Variants in ACAP2 observed in about 807,000 individuals in gnomAD.
ACAP2 encodes the protein ArfGAP with coiled-coil, ankyrin repeat and PH domains 2, also known as arf-GAP with coiled-coil, ANK repeat and PH domain-containing protein 2.
Under a neutral mutation model 115.8 loss-of-function variants are expected in ACAP2, and 39 were observed. The observed-to-expected ratio is 0.34, with a 90% CI of 0.26 to 0.44. The LOEUF (loss-of-function observed/expected upper bound fraction) is 0.44. Among genes scored for constraint, ACAP2 ranks in the 20% least tolerant of loss-of-function variants. The pLI is 1.00. For synonymous variants in ACAP2, 289 were observed against 315.8 expected (o/e 0.92, Z 0.90); for missense variants, 662 against 927.6 (o/e 0.71, Z 3.72).
chr3:195,397,189 TAG>T (rs1174388213), intron 1 of ACAP2, among the ~76,000 whole-genome samples: 1 of 152,228 alleles, frequency 6.6e-6, no homozygotes, highest in Non-Finnish European at 1.5e-5. Context: ...AATAACCGTT[TAG>T]AGACTCAGGA....
At chr3:195,354,554 C>A (rs1296192714) in intron 4 of ACAP2, among the ~76,000 whole-genome samples, 1 of 151,978 alleles carries the variant, frequency 6.6e-6, no homozygotes. Context: ...ATTTAAGTTC[C>A]TTATAAATTC....
chr3:195,393,893 G>C (rs1189489318), intron 1 of ACAP2, among the ~76,000 whole-genome samples: 1 of 140,008 alleles, frequency 7.1e-6, no homozygotes, highest in Non-Finnish European at 1.6e-5. Flanking sequence ...TTGGGGGGGG[G>C]GGAAGCAAGC....
chr3:195,406,793 G>A (rs868516462), intron 1 of ACAP2, among the ~76,000 whole-genome samples: 15 of 152,288 alleles, frequency 9.8e-5, no homozygotes, highest in Middle Eastern at 6.8e-3. Flanking sequence ...AGTTAGTCAT[G>A]AACTTACCTT....
intron 22 of ACAP2, chr3:195,280,824 T>C (rs1726453732): frequency 6.6e-6 from 1 of 152,222 alleles, no homozygotes; most frequent in Non-Finnish European, 1.5e-5. Flanking sequence ...TACAAATGCT[T>C]GGCATAATTC....
intron 8 of ACAP2, among the ~76,000 whole-genome samples, chr3:195,327,350 T>C (rs1729862771): frequency 6.6e-6 from 1 of 152,202 alleles, no homozygotes. Context: ...TAGTGACTTC[T>C]TTCCCAAACA....
intron 1 of ACAP2, among the ~76,000 whole-genome samples, chr3:195,417,460 C>T (rs143673351): frequency 4.2e-4 from 64 of 152,246 alleles, no homozygotes; most frequent in African/African-American, 1.5e-3. Context: ...TCACAATGTC[C>T]TATTATCATT....
chr3:195,339,101 G>A (rs1730704496), intron 6 of ACAP2, among the ~76,000 whole-genome samples: 1 of 151,988 alleles, frequency 6.6e-6, no homozygotes, highest in African/African-American at 2.4e-5. Context: ...CATGGTGGTG[G>A]GCGCCTGTAA....
intron 7 of ACAP2, among the ~76,000 whole-genome samples, chr3:195,333,633 A>G (rs111508695): frequency 3.9e-5 from 6 of 152,366 alleles, no homozygotes; most frequent in African/African-American, 1.4e-4. Flanking sequence ...AAAATGCTCA[A>G]AATTTTAGTT....
chr3:195,321,163 C>T (rs530494387), intron 9 of ACAP2, among the ~76,000 whole-genome samples: 2 of 146,336 alleles, frequency 1.4e-5, no homozygotes, highest in African/African-American at 5.0e-5. Flanking sequence ...ACAAGGGAAA[C>T]AACTAAATAC....
At chr3:195,368,989 C>T (rs575337288) in intron 4 of ACAP2, among the ~76,000 whole-genome samples, 340 of 151,684 alleles carry the variant, frequency 2.2e-3, no homozygotes, top group African/African-American at 6.6e-3. Flanking sequence ...GGGGCTGAGG[C>T]GGGAGAATCA....
At chr3:195,294,490 A>C (rs1474047471) in intron 18 of ACAP2, among the ~76,000 whole-genome samples, 2 of 151,340 alleles carry the variant, frequency 1.3e-5, no homozygotes, top group Non-Finnish European at 2.9e-5. Flanking sequence ...AGGCAGGAGA[A>C]TCACTTGAAA....
Position 195,333,184 on chromosome 3 carries a change from T to TTA in ACAP2, c.574-63_574-62dup, listed in dbSNP as rs1485665806. 4.3e-4 allele frequency: 339 copies of TTA among 791,368 alleles called. 2 individuals carry two copies. The African/African-American group carries it at 4.5e-3, about 11-fold the overall frequency. The allele number at this position is 791,368 out of a possible 1,614,324, so 49.0% of individuals were successfully genotyped here. On this transcript the variant is annotated intron_variant, in intron 7 of 22. Coordinates refer to ENST00000326793, the MANE Select transcript of ACAP2 (RefSeq NM_012287.6). The stretch of plus-strand genomic sequence containing the variant: ...ATTCCTAGATAGACATTCTGAAATA[T>TTA]TACATATATATATAAAAATATATAA...
At chr3:195,428,353 C>T (rs909619971) in intron 1 of ACAP2, among the ~76,000 whole-genome samples, 1 of 150,538 alleles carries the variant, frequency 6.6e-6, no homozygotes, top group South Asian at 2.1e-4. Context: ...TATATACACA[C>T]ACACACACAC....
At chr3:195,330,642 C>A (rs1451980889) in intron 8 of ACAP2, among the ~76,000 whole-genome samples, 1 of 152,146 alleles carries the variant, frequency 6.6e-6, no homozygotes, top group Non-Finnish European at 1.5e-5. Flanking sequence ...CACTTTGACC[C>A]TTCCCTATAT....
chr3:195,433,898 T>G (rs1715330750), intron 1 of ACAP2, among the ~76,000 whole-genome samples: 1 of 152,166 alleles, frequency 6.6e-6, no homozygotes, highest in African/African-American at 2.4e-5. Flanking sequence ...AATACTGGTC[T>G]GTAGGGTTTG....
chr3:195,410,118 CAT>C (rs1477602011), intron 1 of ACAP2, among the ~76,000 whole-genome samples: 1 of 151,950 alleles, frequency 6.6e-6, no homozygotes, highest in South Asian at 2.1e-4. Flanking sequence ...AATTAACCCT[CAT>C]ATATATATTC....
intron 2 of ACAP2, 116 bp downstream of exon 2, chr3:195,391,974 G>T (rs1246005557): frequency 1.3e-5 from 10 of 780,032 alleles, no homozygotes. Flanking sequence ...CAGCCTGGGC[G>T]ACAGAGTGAG....
chr3:195,377,669 A>G (rs1027768186), intron 4 of ACAP2, among the ~76,000 whole-genome samples: 2 of 152,220 alleles, frequency 1.3e-5, no homozygotes, highest in Admixed American at 6.5e-5. Context: ...AATTTAAAGT[A>G]TTGGTTACAA....
chr3:195,395,770 T>A (rs930682114), intron 1 of ACAP2, among the ~76,000 whole-genome samples: 1 of 152,236 alleles, frequency 6.6e-6, no homozygotes, highest in Admixed American at 6.5e-5. Flanking sequence ...TTTTCTCATA[T>A]ATGAAATACA....
Sources: gnomAD v4.1 joint callset for allele counts (sites outside exome capture counted in the v4.1 genomes callset) on GRCh38, gnomAD v4.1.1 for gene constraint, MANE v1.5 for transcripts, NCBI Gene and HGNC (gene_info 2026-07-23, HGNC 2026-07-21) for gene names.